DOCK9: variants seen among roughly 807,000 people sequenced by gnomAD.
The protein encoded by DOCK9 is dedicator of cytokinesis 9, also known as dedicator of cytokinesis protein 9.
A neutral mutation model predicts 263.3 loss-of-function variants in DOCK9; 89 were observed. That is an observed-to-expected ratio of 0.34 (90% CI 0.28 to 0.40). The LOEUF (loss-of-function observed/expected upper bound fraction) is 0.40, where lower values mean the gene tolerates loss of function less well. DOCK9 is among the 10% of genes least tolerant of loss of function. DOCK9 has a pLI of 1.00. For missense variants in DOCK9, 2,140 were observed against 2,603.4 expected (o/e 0.82, Z 3.87); for synonymous variants, 976 against 973.1 (o/e 1.00, Z -0.06).
intron 2 of DOCK9, among the ~76,000 whole-genome samples, chr13:98,930,549 C>T (rs1361859316): frequency 6.6e-6 from 1 of 152,228 alleles, no homozygotes; most frequent in African/African-American, 2.4e-5. Flanking sequence ...GTCCCTAACA[C>T]CCCACCCCTA....
chr13:98,845,462 C>T, intron 38 of DOCK9: 2 of 828,782 alleles, frequency 2.4e-6, no homozygotes, highest in South Asian at 3.1e-5. Flanking sequence ...CACAGTAGTG[C>T]AAGGATTAAC....
At chr13:99,064,405 G>A (rs778519669) in intron 1 of DOCK9, among the ~76,000 whole-genome samples, 5 of 152,182 alleles carry the variant, frequency 3.3e-5, no homozygotes, top group Non-Finnish European at 7.4e-5. Context: ...GTCACATGAA[G>A]CAAAGAAATC....
At chr13:98,842,379 T>C (rs1221553395) in intron 38 of DOCK9, among the ~76,000 whole-genome samples, 1 of 152,252 alleles carries the variant, frequency 6.6e-6, no homozygotes, top group African/African-American at 2.4e-5. Flanking sequence ...TGAAATATTA[T>C]CTGCAACTTG....
rs561939121 is a variant in DOCK9, at chr13:99,084,875, A to C, written c.129+1348T>G. Among the ~76,000 whole-genome samples, 7 of 152,354 alleles carry C rather than the reference A, an allele frequency of 4.6e-5. No homozygotes were observed. The South Asian group carries it at 1.4e-3, about 32-fold the overall frequency. On this transcript the variant is annotated intron_variant, in intron 1 of 32. Coordinates refer to the DOCK9 transcript ENST00000427887. ...AAAACTCAGGAAGATGCAGGAAGCC[A>C]CACAGAAGTTAGCTGGTTATGGAAG...
intron 1 of DOCK9, among the ~76,000 whole-genome samples, chr13:99,074,403 A>C (rs2041822648): frequency 6.6e-6 from 1 of 152,258 alleles, no homozygotes; most frequent in Admixed American, 6.5e-5. Flanking sequence ...ATATACAAGA[A>C]GGCAAGAGAT....
At chr13:98,950,572 G>T (rs1354129459) in intron 2 of DOCK9, 1 of 305,878 alleles carries the variant, frequency 3.3e-6, no homozygotes, top group Non-Finnish European at 6.0e-6. Flanking sequence ...CAAAGTGCTG[G>T]GGTTACAGGC....
chr13:98,889,037 G>C (rs1408460012), intron 15 of DOCK9, among the ~76,000 whole-genome samples: 3 of 152,198 alleles, frequency 2.0e-5, no homozygotes, highest in Non-Finnish European at 4.4e-5. Flanking sequence ...TCACAGGACA[G>C]CCACACATGG....
chr13:98,800,751 T>C (rs2090022684), intron 49 of DOCK9, among the ~76,000 whole-genome samples: 1 of 152,132 alleles, frequency 6.6e-6, no homozygotes, highest in African/African-American at 2.4e-5. Flanking sequence ...AGGTTATCAT[T>C]CCCCACTCAA....
At chr13:98,990,604 G>A (rs1354224141) in intron 1 of DOCK9, among the ~76,000 whole-genome samples, 1 of 152,190 alleles carries the variant, frequency 6.6e-6, no homozygotes, top group Non-Finnish European at 1.5e-5. Context: ...CACAAGTGCT[G>A]GGGGATTTGC....
At chr13:98,890,426 A>C (rs1413239568) in intron 15 of DOCK9, among the ~76,000 whole-genome samples, 1 of 152,200 alleles carries the variant, frequency 6.6e-6, no homozygotes, top group African/African-American at 2.4e-5. Context: ...CATTCTGCTG[A>C]AGCCTTTGCA....
intron 8 of DOCK9, 114 bp from the exon 9 acceptor site, chr13:98,914,509 C>A (rs930951062): frequency 2.2e-5 from 18 of 815,984 alleles, no homozygotes; most frequent in Non-Finnish European, 3.3e-5. Context: ...AGTGGTTCCC[C>A]ACTCTGGATG....
At chr13:98,809,078 G>A in intron 47 of DOCK9, 1 of 1,535,462 alleles carries the variant, frequency 6.5e-7, no homozygotes, top group Non-Finnish European at 8.8e-7. Context: ...CCACACTGAA[G>A]TACCAAAGAT....
At chr13:99,042,515 C>G (rs899757090) in intron 1 of DOCK9, among the ~76,000 whole-genome samples, 5 of 152,352 alleles carry the variant, frequency 3.3e-5, no homozygotes, top group Admixed American at 3.3e-4. Flanking sequence ...ACACCCCAGA[C>G]AGAGCAGGTT....
At position 98,973,547 on chromosome 13, in the gene DOCK9, A is replaced by G. The variant is rs148737016; in HGVS notation, c.126+4237T>C. Reference sequence around the variant, plus strand: ...TAAGAACTAAAATTCTGCTTTTAACACTTGAGGATCCCAGGAAAATATGAG... The same window carrying G: ...TAAGAACTAAAATTCTGCTTTTAACGCTTGAGGATCCCAGGAAAATATGAG... On this transcript the variant is annotated intron_variant, in intron 1 of 52. Coordinates refer to ENST00000682017, the MANE Select transcript of DOCK9 (RefSeq NM_001366683.2). 4.3e-3 allele frequency among the ~76,000 whole-genome samples: 654 copies of G among 152,328 alleles called. 8 individuals carry two copies. The highest frequency in any genetic ancestry group is 0.017 in the Admixed American group (260 of 15,306).
chr13:99,046,410 G>A (rs2040435443), intron 1 of DOCK9, among the ~76,000 whole-genome samples: 1 of 152,220 alleles, frequency 6.6e-6, no homozygotes, highest in African/African-American at 2.4e-5. Flanking sequence ...GATTAACAGA[G>A]GAAGTAGTTT....
At chr13:98,846,840 T>C (rs1049845092) in intron 37 of DOCK9, 2 of 350,660 alleles carry the variant, frequency 5.7e-6, no homozygotes, top group Non-Finnish European at 1.1e-5. Context: ...ATGGCAAACA[T>C]GTACAAGGTT....
intron 38 of DOCK9, among the ~76,000 whole-genome samples, chr13:98,841,616 A>G (rs867767102): frequency 7.3e-6 from 1 of 137,364 alleles, no homozygotes; most frequent in Non-Finnish European, 1.6e-5. Context: ...TATGAACAAA[A>G]TTTTTTTTTT....
chr13:99,070,738 C>T (rs1358313357), intron 1 of DOCK9, among the ~76,000 whole-genome samples: 1 of 152,212 alleles, frequency 6.6e-6, no homozygotes, highest in Non-Finnish European at 1.5e-5. Context: ...GCCTCCTGAA[C>T]CCAAGTTCTC....
intron 1 of DOCK9, among the ~76,000 whole-genome samples, chr13:99,023,307 A>G (rs1345196173): frequency 6.6e-6 from 1 of 152,260 alleles, no homozygotes; most frequent in Non-Finnish European, 1.5e-5. Flanking sequence ...CAGCCTTAAA[A>G]TGCAAGAAAT....
Sources: gnomAD v4.1 joint callset for allele counts (sites outside exome capture counted in the v4.1 genomes callset) on GRCh38, gnomAD v4.1.1 for gene constraint, MANE v1.5 for transcripts, NCBI Gene and HGNC (gene_info 2026-07-23, HGNC 2026-07-21) for gene names.